Variants in TANC2 observed in about 807,000 individuals in gnomAD.
TANC2 encodes protein TANC2.
Under a neutral mutation model 210.5 loss-of-function variants are expected in TANC2, and 26 were observed. The ratio of observed to expected loss-of-function variants is 0.12; its 90% CI spans 0.09 to 0.17. The LOEUF (loss-of-function observed/expected upper bound fraction) is 0.17, where lower values mean the gene tolerates loss of function less well. TANC2 is among the 10% of genes least tolerant of loss of function. The pLI, the probability that TANC2 is intolerant of heterozygous loss-of-function variation, is 1.00. For synonymous variants in TANC2, 931 were observed against 967.1 expected (o/e 0.96, Z 0.69); for missense variants, 2,129 against 2,608.9 (o/e 0.82, Z 4.01).
chr17:63,015,205 A>AATT (rs1226100830), intron 2 of TANC2, among the ~76,000 whole-genome samples: 1 of 151,834 alleles, frequency 6.6e-6, no homozygotes, highest in Non-Finnish European at 1.5e-5. Flanking sequence ...TAATGAAGGG[A>AATT]ATTATCTGTC....
chr17:63,171,193 C>T (rs1383955997), intron 5 of TANC2, among the ~76,000 whole-genome samples: 1 of 150,934 alleles, frequency 6.6e-6, no homozygotes, highest in Non-Finnish European at 1.5e-5. Context: ...AAGCAGTCCC[C>T]TGCCTCAGCC....
At chr17:63,113,049 T>A (rs1404675821) in intron 4 of TANC2, among the ~76,000 whole-genome samples, 1 of 152,184 alleles carries the variant, frequency 6.6e-6, no homozygotes, top group Non-Finnish European at 1.5e-5. Context: ...GTGGCAAATG[T>A]GGAATTTAAG....
At chr17:63,106,688 AG>A in intron 4 of TANC2, among the ~76,000 whole-genome samples, 1 of 151,876 alleles carries the variant, frequency 6.6e-6, no homozygotes, top group East Asian at 1.9e-4. Flanking sequence ...AACACCTAAA[AG>A]GCGGCATGAA....
chr17:63,412,073 G>A lies in TANC2; in HGVS notation c.3841G>A (p.Val1281Met). 6.2e-7 allele frequency: 1 copy of A among 1,613,978 alleles called. No individual in the cohort carries two copies. The highest frequency in any genetic ancestry group is 8.5e-7 in the Non-Finnish European group (1 of 1,179,884). Residue 1281 changes from valine (V) to methionine (M), a missense_variant, in exon 23 of 28, where the codon GTG (valine) becomes ATG (methionine). Coordinates refer to ENST00000689528, the Ensembl canonical transcript of TANC2. This position sits in a 1 kb window ranked among gnomAD's most constrained non-coding sequence, Gnocchi z 4.2. ...TGGAATGCGCCCTTTGGATAGGGCA[G>A]TGGGGTGCCGGAACACTTCTGTTGT...
intron 9 of TANC2, chr17:63,305,212 C>A (rs1045666686): frequency 1.3e-5 from 2 of 152,252 alleles, no homozygotes; most frequent in Admixed American, 6.5e-5. Context: ...GGTGTGGGCT[C>A]ACGAGTAGGA....
chr17:63,142,963 C>G (rs117876548), intron 4 of TANC2, among the ~76,000 whole-genome samples: 1 of 152,150 alleles, frequency 6.6e-6, no homozygotes, highest in East Asian at 1.9e-4. Flanking sequence ...CATAGCTGTT[C>G]TTCTTCTGTC....
chr17:63,306,686 G>A (rs910880605), intron 9 of TANC2, among the ~76,000 whole-genome samples: 4 of 152,240 alleles, frequency 2.6e-5, no homozygotes, highest in African/African-American at 9.6e-5. Context: ...CGGGCATGGT[G>A]GCTCACGCAT....
At chr17:63,167,587 T>C (rs1416338042) in intron 5 of TANC2, among the ~76,000 whole-genome samples, 3 of 152,130 alleles carry the variant, frequency 2.0e-5, no homozygotes, top group Non-Finnish European at 4.4e-5. Flanking sequence ...TATAGAAAAC[T>C]ACACTTACAT....
At chr17:63,081,651 T>C (rs559671926) in intron 3 of TANC2, among the ~76,000 whole-genome samples, 10 of 152,270 alleles carry the variant, frequency 6.6e-5, no homozygotes, top group African/African-American at 2.4e-4. Flanking sequence ...TTCCACTGTT[T>C]CCGCATATAT....
intron 5 of TANC2, among the ~76,000 whole-genome samples, chr17:63,171,836 A>G (rs577699329): frequency 6.6e-6 from 1 of 152,366 alleles, no homozygotes; most frequent in African/African-American, 2.4e-5. Flanking sequence ...TGGAACAGAA[A>G]GCTGCCCTTA....
chr17:63,181,746 T>C (rs139474732), intron 5 of TANC2, among the ~76,000 whole-genome samples: 52 of 152,324 alleles, frequency 3.4e-4, no homozygotes, highest in Non-Finnish European at 6.5e-4. Flanking sequence ...CCAAGTGGAT[T>C]CACCAGCATC....
intron 8 of TANC2, among the ~76,000 whole-genome samples, chr17:63,264,443 A>G (rs949046234): frequency 3.9e-5 from 6 of 152,286 alleles, no homozygotes; most frequent in South Asian, 2.1e-4. Context: ...GCTCCCTTCC[A>G]CTGCCTTTTT....
intron 2 of TANC2, among the ~76,000 whole-genome samples, chr17:63,039,333 A>G (rs2035093368): frequency 6.6e-6 from 1 of 152,182 alleles, no homozygotes; most frequent in African/African-American, 2.4e-5. Flanking sequence ...GACAATGTCT[A>G]TATAAGTATT....
chr17:63,223,746 C>T lies in TANC2; in HGVS notation c.770-14068C>T, dbSNP rs780029003. The stretch of plus-strand genomic sequence containing the variant: ...GGCGGCAGTGGAGTGTCTTTAATAA[C>T]GAGCAGTGAGGGCAAGCAGAGGTCA... On this transcript the variant is annotated intron_variant, in intron 7 of 27. Transcript: ENST00000689528. Among the ~76,000 whole-genome samples the T allele has an allele frequency of 2.6e-5, 4 of 152,048 alleles. No individual in the cohort carries two copies. The East Asian group carries it at 5.8e-4, about 22-fold the overall frequency.
rs1223116774 is a variant in TANC2 at position 63,171,910 on chromosome 17, G to C, written c.433+20530G>C. On this transcript the variant is annotated intron_variant, in intron 5 of 27. Transcript: ENST00000689528. ...ACATGTCTTAAAGTGAAAGAGCATT[G>C]GTTAGAATTCATTTGTGTAGAAGTA... Among the ~76,000 whole-genome samples the C allele has an allele frequency of 2.6e-5, 4 of 152,224 alleles. No homozygotes were observed. In the East Asian group the frequency reaches 7.7e-4, roughly 29 times the overall value.
At chr17:63,196,926 A>G (rs2041364140) in intron 6 of TANC2, among the ~76,000 whole-genome samples, 1 of 152,188 alleles carries the variant, frequency 6.6e-6, no homozygotes, top group South Asian at 2.1e-4. Flanking sequence ...AATGGTATTC[A>G]TATCCAGGCA....
intron 9 of TANC2, among the ~76,000 whole-genome samples, chr17:63,284,274 G>A (rs141351589): frequency 2.3e-4 from 35 of 151,754 alleles, no homozygotes; most frequent in East Asian, 1.9e-3. Context: ...ATCTAACTTC[G>A]CATTCCTAAG....
chr17:63,320,351 G>C (rs1440257561), intron 11 of TANC2: 2 of 152,132 alleles, frequency 1.3e-5, no homozygotes, highest in Non-Finnish European at 2.9e-5. Flanking sequence ...ATCGAGCTCA[G>C]TCTGGACCTA....
rs1870223361 is a variant in TANC2 at position 63,078,092 on chromosome 17, A to G, written c.139+4078A>G. 2.0e-5 allele frequency among the ~76,000 whole-genome samples: 3 copies of G among 152,194 alleles called. No individual in the cohort carries two copies. In the South Asian group the frequency reaches 6.2e-4, roughly 32 times the overall value. Reference sequence around the variant, plus strand: ...CTAAGCTACATCGTGTAGAATTGATATTATTTCATCCTTAACTGTTTGATA... The same window carrying G: ...CTAAGCTACATCGTGTAGAATTGATGTTATTTCATCCTTAACTGTTTGATA... On this transcript the variant is annotated intron_variant, in intron 3 of 27. Transcript: ENST00000689528.
Sources: gnomAD v4.1 joint callset for allele counts (sites outside exome capture counted in the v4.1 genomes callset) on GRCh38, gnomAD v4.1.1 for gene constraint, Gnocchi (gnomAD v3.1) non-coding constraint, MANE v1.5 for transcripts, NCBI Gene and HGNC (gene_info 2026-07-23, HGNC 2026-07-21) for gene names.